Variants in DRC3 observed in about 807,000 individuals in gnomAD.
DRC3 encodes the protein dynein regulatory complex subunit 3.
A neutral mutation model predicts 57.6 loss-of-function variants in DRC3; 45 were observed. That is an observed-to-expected ratio of 0.78 (90% CI 0.62 to 1.00). DRC3 has a LOEUF of 1.00. Ranked by LOEUF, DRC3 falls within the 50% of genes least tolerant of loss-of-function variation. The pLI is 0.00. For synonymous variants in DRC3, 257 were observed against 272.3 expected, an observed-to-expected ratio of 0.94 and a Z score of 0.55; for missense variants, 655 against 675.2, an observed-to-expected ratio of 0.97 and a Z score of 0.33.
At chr17:17,991,284 C>CTTTTT (rs751138192) in intron 5 of DRC3, among the ~76,000 whole-genome samples, 117 of 74,000 alleles carry the variant, frequency 1.6e-3, no homozygotes, top group Non-Finnish European at 1.8e-3. Context: ...TGAAGTATTG[C>CTTTTT]TTTTTTTTTT....
Position 17,988,098 on chromosome 17 carries a change from C to T in DRC3, c.444C>T (p.Asn148=), listed in dbSNP as rs200710621. 1.8e-4 allele frequency: 295 copies of T among 1,613,032 alleles called. No homozygotes were observed. The highest frequency in any genetic ancestry group is 2.2e-4 in the Non-Finnish European group (263 of 1,179,598). ...ACAACCGGATTGACAACATGATGAA[C>T]GTGAGTGGCCGCCCAGCCCGCCCTC... ...LGNNRIDNMM[N]IIYLRRFKCL... is the part of the protein sequence containing the mutation. The change falls in exon 5 of 14, where the codon AAC becomes AAT. Residue 148 remains asparagine, a splice_region_variant and synonymous_variant. Coordinates refer to ENST00000399187, the MANE Select transcript of DRC3 (RefSeq NM_031294.4).
In DRC3 at chr17:17,997,184, G is replaced by A. The variant is rs538943424; in HGVS notation, c.825-276G>A. Among the ~76,000 whole-genome samples the A allele has an allele frequency of 2.0e-5, 3 of 152,310 alleles. No homozygotes were observed. In the South Asian group the frequency reaches 6.2e-4, roughly 32 times the overall value. On this transcript the variant is annotated intron_variant, in intron 8 of 13. Coordinates refer to ENST00000399187, the MANE Select transcript of DRC3 (RefSeq NM_031294.4). ...CCTTCTGCTCTGTAGACTCCGCAATGGTTTCTGCCTCCTTCCTTCACACAG... is the reference window on the plus strand; with the variant it reads ...CCTTCTGCTCTGTAGACTCCGCAATAGTTTCTGCCTCCTTCCTTCACACAG...
intron 8 of DRC3, among the ~76,000 whole-genome samples, chr17:17,996,689 T>C (rs1477772575): frequency 6.6e-6 from 1 of 152,088 alleles, no homozygotes; most frequent in Non-Finnish European, 1.5e-5. Context: ...TGGTGAGGAA[T>C]AGTGAAGAGC....
At chr17:18,002,105 T>C (rs1597621318) in intron 9 of DRC3, among the ~76,000 whole-genome samples, 1 of 151,994 alleles carries the variant, frequency 6.6e-6, no homozygotes, top group East Asian at 1.9e-4. Context: ...GAGACAGAGG[T>C]TGCAGTGAAC....
At chr17:17,983,035 A>G (rs1337209855) in intron 3 of DRC3, among the ~76,000 whole-genome samples, 1 of 151,644 alleles carries the variant, frequency 6.6e-6, no homozygotes, top group Non-Finnish European at 1.5e-5. Flanking sequence ...ATTTACTTAT[A>G]CATATGTGTT....
intron 9 of DRC3, among the ~76,000 whole-genome samples, chr17:18,001,533 A>G (rs1246960985): frequency 1.3e-5 from 2 of 152,182 alleles, no homozygotes; most frequent in Non-Finnish European, 2.9e-5. Context: ...ATTACTTTGT[A>G]GGAGCTCTTT....
chr17:18,013,412 A>T (rs887894468), intron 12 of DRC3, among the ~76,000 whole-genome samples: 3 of 152,266 alleles, frequency 2.0e-5, no homozygotes, highest in Admixed American at 6.5e-5. Flanking sequence ...CCAACAACAG[A>T]TGACTGGATA....
At chr17:17,998,077 G>A (rs2043537492) in intron 9 of DRC3, among the ~76,000 whole-genome samples, 1 of 152,176 alleles carries the variant, frequency 6.6e-6, no homozygotes, top group Non-Finnish European at 1.5e-5. Flanking sequence ...ACTGGACATG[G>A]TTCCTGCCCT....
chr17:17,985,427 G>C (rs1286828424), intron 4 of DRC3, among the ~76,000 whole-genome samples: 1 of 152,182 alleles, frequency 6.6e-6, no homozygotes, highest in Non-Finnish European at 1.5e-5. Flanking sequence ...GCAGAAGCTG[G>C]TCTTTGTCCA....
chr17:17,993,359 A>C (rs9912096), intron 6 of DRC3: 66,066 of 155,674 alleles, frequency 0.42, 15,400 homozygotes, highest in East Asian at 0.9. Context: ...GGTGGCACAC[A>C]CCAGTAATCC....
intron 12 of DRC3, among the ~76,000 whole-genome samples, chr17:18,012,663 T>C (rs554352729): frequency 6.0e-5 from 9 of 150,332 alleles, no homozygotes; most frequent in Admixed American, 6.0e-4. Flanking sequence ...GCCTGAGCAA[T>C]AGAGCCAGAC....
chr17:17,986,068 TG>T (rs747235298), intron 4 of DRC3, among the ~76,000 whole-genome samples: 1 of 152,132 alleles, frequency 6.6e-6, no homozygotes, highest in Non-Finnish European at 1.5e-5. Context: ...TGTGCCACCA[TG>T]GGTGGCTAAT....
intron 3 of DRC3, among the ~76,000 whole-genome samples, chr17:17,978,700 A>G (rs1189399286): frequency 6.6e-6 from 1 of 152,166 alleles, no homozygotes; most frequent in Non-Finnish European, 1.5e-5. Flanking sequence ...AGGGCTGACC[A>G]CCCAATCAGG....
At chr17:17,977,908 C>G in intron 3 of DRC3, 150 bp downstream of exon 3, 1 of 685,590 alleles carries the variant, frequency 1.5e-6, no homozygotes, top group Non-Finnish European at 2.4e-6. Flanking sequence ...GGCATAGGAG[C>G]AGCACAGATG....
chr17:17,977,457 C>A, intron 2 of DRC3, 125 bp from the exon 3 acceptor site: 1 of 1,136,900 alleles, frequency 8.8e-7, no homozygotes, highest in Non-Finnish European at 1.3e-6. Flanking sequence ...AGACCCAGGG[C>A]TGGGCGTGGG....
chr17:18,010,025 C>T (rs564303518), intron 12 of DRC3, among the ~76,000 whole-genome samples: 2 of 152,186 alleles, frequency 1.3e-5, no homozygotes, highest in Non-Finnish European at 2.9e-5. Flanking sequence ...CCTGGCTGCT[C>T]TGAACATCCA....
intron 10 of DRC3, 50 bp from the exon 11 acceptor site, chr17:18,006,133 G>A (rs746815460): frequency 6.4e-6 from 9 of 1,398,346 alleles, no homozygotes; most frequent in Non-Finnish European, 8.1e-6. Flanking sequence ...CTTTTGCTCT[G>A]TGCTGGACAT....
In DRC3 at chr17:18,006,178, TC is replaced by T; in HGVS notation, c.1132-3del. On this transcript the variant is annotated splice_region_variant and splice_polypyrimidine_tract_variant and intron_variant, in intron 10 of 13. Transcript: ENST00000399187. ...CATGTTAACTGTGTTCTTTAACATTTCCAGGAGACTATAAACATGTTTGAAA... is the reference window on the plus strand; with the variant it reads ...CATGTTAACTGTGTTCTTTAACATTTCAGGAGACTATAAACATGTTTGAAA... 1 of 1,606,734 alleles carries T rather than the reference TC, an allele frequency of 6.2e-7. No individual in the cohort carries two copies. Among genetic ancestry groups the T allele is most frequent in the Non-Finnish European group, 8.5e-7 (1 of 1,174,012 alleles).
rs563669543 is a variant in DRC3 at position 18,014,124 on chromosome 17, T to C, written c.1327-1940T>C. ...ATTTTTGTATTTTTATTCACCATAT[T>C]GGCCAGGCTGGTCTTGAACTCCTGA... On this transcript the variant is annotated intron_variant, in intron 12 of 13. Coordinates refer to ENST00000399187, the MANE Select transcript of DRC3 (RefSeq NM_031294.4). Among the ~76,000 whole-genome samples, 26 of 152,208 alleles carry C rather than the reference T, an allele frequency of 1.7e-4. 1 individual carries two copies. In the South Asian group the frequency reaches 5.0e-3, roughly 29 times the overall value.
Sources: gnomAD v4.1 joint callset for allele counts (sites outside exome capture counted in the v4.1 genomes callset) on GRCh38, gnomAD v4.1.1 for gene constraint, MANE v1.5 for transcripts, NCBI Gene and HGNC (gene_info 2026-07-23, HGNC 2026-07-21) for gene names.